Variants in DMD observed in about 807,000 individuals in gnomAD.
The protein encoded by DMD is mutant dystrophin.
DMD carries 63 observed loss-of-function variants against 330.1 expected under a neutral mutation model. That is an observed-to-expected ratio of 0.19 (90% CI 0.16 to 0.24). DMD has a LOEUF of 0.24. Ranked by LOEUF, DMD falls within the 10% of genes least tolerant of loss-of-function variation. The pLI, the probability that DMD is intolerant of heterozygous loss-of-function variation, is 1.00. For synonymous variants in DMD, 1,223 were observed against 959.8 expected (o/e 1.27, Z -5.07); for missense variants, 3,344 against 2,684.1 (o/e 1.25, Z -5.43).
intron 1 of DMD, among the ~76,000 whole-genome samples, chrX:33,089,211 A>ATC (rs2095052103): frequency 9.2e-6 from 1 of 108,849 alleles, no homozygotes; most frequent in Non-Finnish European, 1.9e-5. Context: ...GACTACAGGC[A>ATC]CGCACCACCA....
At chrX:33,022,933 T>C (rs2093940240) in intron 1 of DMD, among the ~76,000 whole-genome samples, 1 of 111,890 alleles carries the variant, frequency 8.9e-6, no homozygotes. Context: ...CCTATGTGAA[T>C]AGCGTCCTGG....
At chrX:33,247,871 A>G (rs1369150570) in intron 1 of DMD, among the ~76,000 whole-genome samples, 5 of 111,475 alleles carry the variant, frequency 4.5e-5, no homozygotes, top group Non-Finnish European at 9.4e-5. Flanking sequence ...CTACCCTAAA[A>G]TAATTTACAT....
intron 2 of DMD, among the ~76,000 whole-genome samples, chrX:32,950,209 A>G (rs2091162530): frequency 9.0e-6 from 1 of 111,365 alleles, no homozygotes; most frequent in Non-Finnish European, 1.9e-5. Context: ...CAGTAGTAAC[A>G]GCAATGACAA....
chrX:32,700,805 A>T (rs186044089), intron 7 of DMD, among the ~76,000 whole-genome samples: 1 of 111,451 alleles, frequency 9.0e-6, no homozygotes. Flanking sequence ...AACTACTATT[A>T]AGATATCTGT....
intron 59 of DMD, among the ~76,000 whole-genome samples, chrX:31,468,981 T>C (rs2067091183): frequency 9.0e-6 from 1 of 111,505 alleles, no homozygotes; most frequent in Non-Finnish European, 1.9e-5. Context: ...GAGACTAGGA[T>C]TGCAACCCCT....
chrX:33,060,684 A>G (rs1181405881), intron 1 of DMD, among the ~76,000 whole-genome samples: 1 of 110,177 alleles, frequency 9.1e-6, no homozygotes, highest in Non-Finnish European at 1.9e-5. Flanking sequence ...AAATACAAAA[A>G]AAATTAGCCG....
At chrX:31,916,243 G>A (rs2094607442) in intron 47 of DMD, among the ~76,000 whole-genome samples, 1 of 111,990 alleles carries the variant, frequency 8.9e-6, no homozygotes, top group Non-Finnish European at 1.9e-5. Flanking sequence ...CAGCTCACGG[G>A]ACCCCACAGA....
chrX:31,214,711 A>T (rs758688223), intron 64 of DMD, among the ~76,000 whole-genome samples: 26 of 110,227 alleles, frequency 2.4e-4, no homozygotes, highest in Non-Finnish European at 4.0e-4. Context: ...AAAGATCAAA[A>T]TTCAAATCTA....
chrX:32,555,086 C>G (rs1362523573), intron 16 of DMD, among the ~76,000 whole-genome samples: 1 of 109,798 alleles, frequency 9.1e-6, no homozygotes, highest in Non-Finnish European at 1.9e-5. Context: ...AGTAGCATAT[C>G]AAAAAGCTTA....
intron 41 of DMD, among the ~76,000 whole-genome samples, chrX:32,315,144 C>T (rs1429011471): frequency 8.9e-6 from 1 of 111,854 alleles, no homozygotes; most frequent in East Asian, 2.8e-4. Flanking sequence ...AACCCAAATG[C>T]CCACCAGTGA....
intron 2 of DMD, among the ~76,000 whole-genome samples, chrX:32,891,700 GA>G (rs971898006): frequency 5.4e-5 from 6 of 111,885 alleles, no homozygotes; most frequent in African/African-American, 2.0e-4. Flanking sequence ...GAGACAAAAT[GA>G]AAACATAAGG....
intron 45 of DMD, among the ~76,000 whole-genome samples, chrX:31,946,295 ATACT>A (rs1456349100): frequency 1.8e-5 from 2 of 111,686 alleles, no homozygotes; most frequent in South Asian, 3.8e-4. Flanking sequence ...GGTAGAAGAA[ATACT>A]TAGCGAGTCA....
chrX:33,068,541 G>A (rs1045372831), intron 1 of DMD, among the ~76,000 whole-genome samples: 1 of 112,007 alleles, frequency 8.9e-6, no homozygotes, highest in African/African-American at 3.2e-5. Flanking sequence ...CAAAATAAAC[G>A]TTATCACTGG....
chrX:32,358,129 T>G (rs1378483988), intron 37 of DMD, among the ~76,000 whole-genome samples: 4 of 110,966 alleles, frequency 3.6e-5, no homozygotes, highest in African/African-American at 1.3e-4. Flanking sequence ...GATTAATCCC[T>G]TTTCTCAAGT....
chrX:31,919,793 T>C (rs757541526), intron 47 of DMD, among the ~76,000 whole-genome samples: 67 of 112,324 alleles, frequency 6.0e-4, no homozygotes, highest in African/African-American at 1.9e-3. Context: ...TCAGCCCTTT[T>C]GTTACCCATA....
chrX:31,318,512 G>T (rs2056202140), intron 62 of DMD, among the ~76,000 whole-genome samples: 1 of 112,367 alleles, frequency 8.9e-6, no homozygotes, highest in Admixed American at 9.4e-5. Flanking sequence ...TTGCTAAGCA[G>T]GAAGCAGCAG....
In DMD at chrX:32,600,861, G is replaced by C. The variant is rs1339122078; in HGVS notation, c.1483-4985C>G. Among the ~76,000 whole-genome samples the C allele has an allele frequency of 2.7e-5, 3 of 110,992 alleles. No individual in the cohort carries two copies. The Admixed American group carries it at 2.9e-4, about 11-fold the overall frequency. ...TTCAGAAGGTTCTAGGAATAGAGTT[G>C]AGTCTAACATCCAGGAAAGAAGTAT... On this transcript the variant is annotated intron_variant, in intron 12 of 78. Coordinates refer to ENST00000357033, the MANE Select transcript of DMD (RefSeq NM_004006.3).
At chrX:32,102,680 G>T (rs1473121099) in intron 44 of DMD, among the ~76,000 whole-genome samples, 1 of 111,425 alleles carries the variant, frequency 9.0e-6, no homozygotes, top group African/African-American at 3.3e-5. Flanking sequence ...TATGAAACAC[G>T]ATGATGAACC....
intron 41 of DMD, among the ~76,000 whole-genome samples, chrX:32,340,504 T>A (rs1448288628): frequency 9.0e-6 from 1 of 111,392 alleles, no homozygotes; most frequent in African/African-American, 3.3e-5. Context: ...AGTAAGTGGT[T>A]TATGGAGATT....
Sources: allele counts gnomAD v4.1 joint callset (sites outside exome capture counted in the v4.1 genomes callset), GRCh38; gene constraint gnomAD v4.1.1; transcripts MANE v1.5; gene names NCBI Gene and HGNC (gene_info 2026-07-23, HGNC 2026-07-21).